The following RAPGEF2 variants were observed in gnomAD, a reference collection of about 807,000 sequenced individuals.
RAPGEF2 encodes PDZ domain containing guanine nucleotide exchange factor (GEF) 1.
A neutral mutation model predicts 186.7 loss-of-function variants in RAPGEF2; 54 were observed. That is an observed-to-expected ratio of 0.29 (90% CI 0.23 to 0.36). RAPGEF2 has a LOEUF of 0.36. Ranked by LOEUF, RAPGEF2 falls within the 10% of genes least tolerant of loss-of-function variation. The probability of loss-of-function intolerance (pLI) is 1.00; values close to 1 mark genes in which losing one functional copy is unlikely to be tolerated. For synonymous variants in RAPGEF2, 712 were observed against 705.9 expected (o/e 1.01, Z -0.14); for missense variants, 1,532 against 2,045.0 (o/e 0.75, Z 4.84).
chr4:159,255,093 C>T (rs1755992319), intron 7 of RAPGEF2, among the ~76,000 whole-genome samples: 1 of 152,108 alleles, frequency 6.6e-6, no homozygotes, highest in African/African-American at 2.4e-5. Context: ...ACATGCTGTA[C>T]AGATTTGTCA....
chr4:159,253,456 A>C (rs1755722880), intron 7 of RAPGEF2, among the ~76,000 whole-genome samples: 1 of 152,224 alleles, frequency 6.6e-6, no homozygotes, highest in South Asian at 2.1e-4. Context: ...TCATAAAGAA[A>C]GGGCCTTAAT....
chr4:159,176,769 G>C (rs543810894), intron 1 of RAPGEF2, among the ~76,000 whole-genome samples: 162 of 152,310 alleles, frequency 1.1e-3, no homozygotes, highest in Admixed American at 9.4e-3. Flanking sequence ...ACAATGTTAA[G>C]AGTGAAGTGT....
Position 159,343,044 on chromosome 4 carries a change from A to G in RAPGEF2, c.2984A>G (p.Glu995Gly), listed in dbSNP as rs762866269. The G allele has an allele frequency of 1.6e-5, 26 of 1,614,016 alleles. No homozygotes were observed. The highest frequency in any genetic ancestry group is 2.0e-5 in the Non-Finnish European group (24 of 1,179,992). The change falls in exon 21 of 30, where the codon GAA becomes GGA. Residue 995 changes from glutamate to glycine, a missense_variant. By Grantham distance (98) the Glu-to-Gly change is moderately conservative (BLOSUM62 -2). Transcript: ENST00000691494. ...TTWEKLPNKY[E>G]KLFQDLQDLF... ...TGGGAGAAACTTCCCAATAAATACG[A>G]AAAACTATTTCAAGATCTCCAAGAC...
chr4:159,256,457 AT>A (rs1284247724), intron 7 of RAPGEF2, among the ~76,000 whole-genome samples: 11 of 152,098 alleles, frequency 7.2e-5, no homozygotes, highest in Admixed American at 7.2e-4. Context: ...ATTGATGGGT[AT>A]TTGGGTTGAT....
intron 3 of RAPGEF2, among the ~76,000 whole-genome samples, chr4:159,198,654 C>A (rs1451337227): frequency 6.6e-6 from 1 of 150,852 alleles, no homozygotes; most frequent in Admixed American, 6.6e-5. Flanking sequence ...CCATATTGGC[C>A]AGGCTGGTCT....
intron 4 of RAPGEF2, among the ~76,000 whole-genome samples, chr4:159,226,305 T>G (rs1330997124): frequency 2.0e-5 from 3 of 152,214 alleles, no homozygotes; most frequent in African/African-American, 7.2e-5. Flanking sequence ...ATAAATTAAC[T>G]ATAAAATATT....
chr4:159,228,835 T>C (rs1322975722), intron 4 of RAPGEF2, among the ~76,000 whole-genome samples: 1 of 152,232 alleles, frequency 6.6e-6, no homozygotes, highest in Non-Finnish European at 1.5e-5. Context: ...AGATTACATG[T>C]ATTTTATGGA....
intron 1 of RAPGEF2, among the ~76,000 whole-genome samples, chr4:159,174,652 T>G (rs1258779387): frequency 6.6e-6 from 1 of 152,208 alleles, no homozygotes; most frequent in African/African-American, 2.4e-5. Flanking sequence ...GATTTGTTTA[T>G]TTTTTTCCTC....
chr4:159,160,322 CTTAA>C (rs1447492949), intron 1 of RAPGEF2, among the ~76,000 whole-genome samples: 3 of 152,194 alleles, frequency 2.0e-5, no homozygotes, highest in African/African-American at 7.2e-5. Flanking sequence ...TTTTATCTTA[CTTAA>C]TTCTCTCCCA....
Position 159,301,218 on chromosome 4 carries a change from G to A in RAPGEF2, c.544-3124G>A, listed in dbSNP as rs114782299. Reference sequence around the variant, plus strand: ...TGAAAGCCTGTATCTGCTTAAAAAAGAAAAATTAGCCGGGGTCGTGGGCGC... The same window carrying A: ...TGAAAGCCTGTATCTGCTTAAAAAAAAAAAATTAGCCGGGGTCGTGGGCGC... On this transcript the variant is annotated intron_variant, in intron 7 of 29. Coordinates refer to ENST00000691494, the MANE Select transcript of RAPGEF2 (RefSeq NM_001394067.2). Among the ~76,000 whole-genome samples, 1,232 of 152,006 alleles carry A rather than the reference G, an allele frequency of 8.1e-3. 13 individuals are homozygous for A. Among genetic ancestry groups the A allele is most frequent in the African/African-American group, 0.028 (1,161 of 41,444 alleles).
intron 7 of RAPGEF2, among the ~76,000 whole-genome samples, chr4:159,289,891 G>A (rs1363499741): frequency 6.6e-6 from 1 of 152,134 alleles, no homozygotes; most frequent in African/African-American, 2.4e-5. Context: ...AAAATAACCA[G>A]AAATAGATTT....
intron 1 of RAPGEF2, among the ~76,000 whole-genome samples, chr4:159,130,504 C>T (rs1740913736): frequency 1.3e-5 from 2 of 151,948 alleles, no homozygotes; most frequent in African/African-American, 4.8e-5. Context: ...GCTAGAACTA[C>T]AGGCATGCAC....
intron 1 of RAPGEF2, among the ~76,000 whole-genome samples, chr4:159,166,229 G>T (rs867642429): frequency 3.9e-4 from 59 of 152,144 alleles, no homozygotes; most frequent in African/African-American, 1.4e-3. Context: ...CAGGAGAATT[G>T]CTTGAACCCA....
chr4:159,187,403 A>G (rs1025248181), intron 2 of RAPGEF2, among the ~76,000 whole-genome samples: 1 of 151,982 alleles, frequency 6.6e-6, no homozygotes, highest in Non-Finnish European at 1.5e-5. Context: ...GAATATATCA[A>G]TAGGGGCAAT....
intron 1 of RAPGEF2, among the ~76,000 whole-genome samples, chr4:159,151,954 G>A (rs960496073): frequency 2.0e-5 from 3 of 152,176 alleles, no homozygotes; most frequent in African/African-American, 7.2e-5. Flanking sequence ...GAGCTGTTGA[G>A]GAGCAAGAAT....
intron 8 of RAPGEF2, among the ~76,000 whole-genome samples, chr4:159,305,718 T>C (rs563050049): frequency 1.3e-5 from 2 of 152,276 alleles, no homozygotes; most frequent in East Asian, 3.9e-4. Context: ...CCTGTGCTTT[T>C]GAGGTCTTAC....
At chr4:159,198,255 T>C (rs149209992) in intron 3 of RAPGEF2, among the ~76,000 whole-genome samples, 1,285 of 104,450 alleles carry the variant, frequency 0.012, 40 homozygotes, top group African/African-American at 0.042. Flanking sequence ...TTCCTTTCTT[T>C]CTTTCTCTTT....
intron 1 of RAPGEF2, among the ~76,000 whole-genome samples, chr4:159,168,703 G>C (rs536107679): frequency 1.3e-5 from 2 of 152,288 alleles, no homozygotes; most frequent in South Asian, 4.1e-4. Context: ...GATGATACAT[G>C]TAGGATACGG....
At chr4:159,114,542 T>C (rs1044779431) in intron 1 of RAPGEF2, among the ~76,000 whole-genome samples, 1 of 152,188 alleles carries the variant, frequency 6.6e-6, no homozygotes, top group African/African-American at 2.4e-5. Flanking sequence ...TGGCCAGAAT[T>C]TTAACAATTT....
Sources: allele counts gnomAD v4.1 joint callset (sites outside exome capture counted in the v4.1 genomes callset), GRCh38; gene constraint gnomAD v4.1.1; transcripts MANE v1.5; gene names NCBI Gene and HGNC (gene_info 2026-07-23, HGNC 2026-07-21).